MYO3A: variants seen among roughly 807,000 people sequenced by gnomAD.
MYO3A encodes the protein myosin-IIIa.
Under a neutral mutation model 192.7 loss-of-function variants are expected in MYO3A, and 180 were observed. The ratio of observed to expected loss-of-function variants is 0.93; its 90% CI spans 0.83 to 1.06. The LOEUF (loss-of-function observed/expected upper bound fraction) is 1.06, where lower values mean the gene tolerates loss of function less well. Among genes scored for constraint, MYO3A ranks in the 50% least tolerant of loss-of-function variants. The probability of loss-of-function intolerance (pLI) is 0.00; values close to 1 mark genes in which losing one functional copy is unlikely to be tolerated. For synonymous variants in MYO3A, 628 were observed against 645.3 expected (o/e 0.97, Z 0.41); for missense variants, 1,896 against 1,905.0 (o/e 1.00, Z 0.09).
At chr10:25,989,608 G>A (rs937704259) in intron 4 of MYO3A, among the ~76,000 whole-genome samples, 4 of 152,278 alleles carry the variant, frequency 2.6e-5, no homozygotes, top group African/African-American at 9.6e-5. Flanking sequence ...GAGGTTTAGA[G>A]ATAATCATGT....
intron 19 of MYO3A, among the ~76,000 whole-genome samples, chr10:26,127,718 A>G (rs1359772704): frequency 2.0e-5 from 3 of 151,594 alleles, no homozygotes; most frequent in Non-Finnish European, 4.4e-5. Flanking sequence ...TACAATGTAT[A>G]TATTTCTTTG....
intron 10 of MYO3A, among the ~76,000 whole-genome samples, chr10:26,027,471 A>C (rs1010220808): frequency 1.3e-5 from 2 of 151,968 alleles, no homozygotes; most frequent in East Asian, 3.9e-4. Flanking sequence ...CAGACCCCCA[A>C]GTAGCTGGGA....
At chr10:26,061,477 G>C (rs1406467050) in intron 10 of MYO3A, among the ~76,000 whole-genome samples, 2 of 152,132 alleles carry the variant, frequency 1.3e-5, no homozygotes, top group Non-Finnish European at 2.9e-5. Flanking sequence ...AATAATTCCA[G>C]GTAGAGAAAT....
chr10:26,099,861 T>A (rs1485334050), intron 17 of MYO3A, among the ~76,000 whole-genome samples: 1 of 152,210 alleles, frequency 6.6e-6, no homozygotes, highest in African/African-American at 2.4e-5. Context: ...GGGATATTGA[T>A]CTAAAATTCT....
At chr10:26,010,389 G>A (rs1304657370) in intron 6 of MYO3A, among the ~76,000 whole-genome samples, 1 of 149,486 alleles carries the variant, frequency 6.7e-6, no homozygotes, top group Non-Finnish European at 1.5e-5. Flanking sequence ...TATGCAAAAT[G>A]TCTGAATATG....
At chr10:26,073,134 G>A (rs1460200589) in intron 14 of MYO3A, among the ~76,000 whole-genome samples, 1 of 152,108 alleles carries the variant, frequency 6.6e-6, no homozygotes, top group East Asian at 1.9e-4. Context: ...TGAAGTGGAA[G>A]GATTGCTTGA....
chr10:26,075,853 T>C (rs1178050288), intron 14 of MYO3A, among the ~76,000 whole-genome samples: 1 of 150,226 alleles, frequency 6.7e-6, no homozygotes, highest in Non-Finnish European at 1.5e-5. Context: ...GTCTCTCTCA[T>C]ATATATCTAT....
In MYO3A at chr10:25,970,689, T is replaced by A. The variant is rs1838583794; in HGVS notation, c.303+15681T>A. 1.3e-5 allele frequency among the ~76,000 whole-genome samples: 2 copies of A among 151,828 alleles called. 1 individual carries two copies. Among genetic ancestry groups the A allele is most frequent in the South Asian group, 4.1e-4 (2 of 4,824 alleles). ...AATAAACTTGATCTCTTTAGACAGA[T>A]CCAGAGAAAAGTAAGAAAATACATA... is the stretch of plus-strand genomic sequence containing the variant. On this transcript the variant is annotated intron_variant, in intron 4 of 34. Transcript: ENST00000642920.
At chr10:26,104,079 T>C (rs528765733) in intron 17 of MYO3A, among the ~76,000 whole-genome samples, 5 of 151,550 alleles carry the variant, frequency 3.3e-5, no homozygotes, top group Non-Finnish European at 5.9e-5. Context: ...TTTTATAATC[T>C]AGGTATACTA....
At chr10:26,137,028 A>G (rs1409550487) in intron 20 of MYO3A, among the ~76,000 whole-genome samples, 2 of 137,194 alleles carry the variant, frequency 1.5e-5, no homozygotes, top group South Asian at 2.6e-4. Flanking sequence ...AAAAAACAAA[A>G]CAAAAAAAAA....
At chr10:25,983,088 A>G (rs978584544) in intron 4 of MYO3A, among the ~76,000 whole-genome samples, 35 of 147,286 alleles carry the variant, frequency 2.4e-4, no homozygotes, top group Admixed American at 2.1e-3. Context: ...GAAATATTAA[A>G]TAGATAGCAT....
chr10:26,024,684 T>A (rs924317938), intron 9 of MYO3A, among the ~76,000 whole-genome samples: 1 of 152,148 alleles, frequency 6.6e-6, no homozygotes, highest in Admixed American at 6.6e-5. Context: ...CCCTTAGCAT[T>A]TGCTTGTCTG....
intron 31 of MYO3A, among the ~76,000 whole-genome samples, chr10:26,191,326 C>G (rs1415603487): frequency 6.6e-6 from 1 of 152,150 alleles, no homozygotes; most frequent in African/African-American, 2.4e-5. Context: ...TTTCCTCGTG[C>G]CTGTGACAGT....
intron 14 of MYO3A, among the ~76,000 whole-genome samples, chr10:26,077,654 A>C (rs1351783405): frequency 6.6e-6 from 1 of 152,022 alleles, no homozygotes; most frequent in Non-Finnish European, 1.5e-5. Flanking sequence ...GGCTTTTATT[A>C]CATTAAGATA....
chr10:25,944,066 G>A (rs183627625), intron 2 of MYO3A, among the ~76,000 whole-genome samples: 13 of 151,784 alleles, frequency 8.6e-5, no homozygotes, highest in Admixed American at 6.6e-4. Flanking sequence ...TGTCAAGGTC[G>A]TTTTTTTCTA....
intron 10 of MYO3A, among the ~76,000 whole-genome samples, chr10:26,047,124 G>A (rs1392764626): frequency 3.9e-5 from 6 of 152,036 alleles, no homozygotes; most frequent in Admixed American, 6.6e-5. Flanking sequence ...ACATTTTCTT[G>A]TAATTTTATA....
At chr10:25,959,674 TTC>T (rs1216858380) in intron 4 of MYO3A, among the ~76,000 whole-genome samples, 1 of 152,044 alleles carries the variant, frequency 6.6e-6, no homozygotes, top group African/African-American at 2.4e-5. Context: ...TCAAGTTTCT[TTC>T]TCTGTTTGGC....
chr10:26,099,839 C>G (rs911314939), intron 17 of MYO3A, among the ~76,000 whole-genome samples: 1 of 152,096 alleles, frequency 6.6e-6, no homozygotes. Flanking sequence ...ATTTTTGCAT[C>G]GATGTTTATC....
intron 10 of MYO3A, among the ~76,000 whole-genome samples, chr10:26,052,892 A>G (rs962774354): frequency 7.2e-5 from 11 of 152,154 alleles, no homozygotes; most frequent in Non-Finnish European, 1.0e-4. Context: ...CCCTAAGGGT[A>G]TTTGTGACCT....
Sources: allele counts gnomAD v4.1 joint callset (sites outside exome capture counted in the v4.1 genomes callset), GRCh38; gene constraint gnomAD v4.1.1; transcripts MANE v1.5; gene names NCBI Gene and HGNC (gene_info 2026-07-23, HGNC 2026-07-21).